The following NCF2 variants were observed in gnomAD, a reference collection of about 807,000 sequenced individuals.
The protein encoded by NCF2 is neutrophil cytosol factor 2.
A neutral mutation model predicts 70.9 loss-of-function variants in NCF2; 45 were observed. That is an observed-to-expected ratio of 0.63 (90% CI 0.50 to 0.81). NCF2 has a LOEUF of 0.81. Among genes scored for constraint, NCF2 ranks in the 40% least tolerant of loss-of-function variants. The pLI, the probability that NCF2 is intolerant of heterozygous loss-of-function variation, is 0.00. For synonymous variants in NCF2, 203 were observed against 233.6 expected (o/e 0.87, Z 1.19); for missense variants, 522 against 631.6 (o/e 0.83, Z 1.86).
At chr1:183,568,173 T>C (rs1672395492) in intron 7 of NCF2, among the ~76,000 whole-genome samples, 1 of 152,052 alleles carries the variant, frequency 6.6e-6, no homozygotes. Flanking sequence ...TGTCACTTTT[T>C]TTTTTTTGAG....
rs373508925 is a variant in NCF2, at chr1:183,577,596, T to A, written c.366+3A>T. On this transcript the variant is annotated splice_donor_region_variant and intron_variant, in intron 3 of 14. Transcript: ENST00000367535. ...TGCCCAGGCCAGGCCCTGTTCTCCT[T>A]ACCTCACAGGCAAACAGCTTGAACT... 21 of 1,602,644 alleles carry A rather than the reference T, an allele frequency of 1.3e-5. No individual in the cohort carries two copies. Among genetic ancestry groups the A allele is most frequent in the Middle Eastern group, 3.3e-4 (2 of 6,060 alleles).
At chr1:183,571,114 CTTTTTTTTTTTT>C (rs66625837) in intron 5 of NCF2, among the ~76,000 whole-genome samples, 1 of 106,818 alleles carries the variant, frequency 9.4e-6, no homozygotes, top group African/African-American at 3.6e-5. Flanking sequence ...ATCAAATTAT[CTTTTTTTTTTTT>C]TTTTTTTTTG....
At position 183,590,301 on chromosome 1, in the gene NCF2, C is replaced by G. The variant is rs1261814657; in HGVS notation, c.29G>C (p.Trp10Ser). 2 of 1,613,944 alleles carry G rather than the reference C, an allele frequency of 1.2e-6. No homozygotes were observed. The highest frequency in any genetic ancestry group is 2.7e-5 in the African/African-American group (2 of 74,874). Residue 10 changes from tryptophan to serine, a missense_variant, in exon 1 of 15, where the codon TGG becomes TCG. Coordinates refer to ENST00000367535, the MANE Select transcript of NCF2 (RefSeq NM_000433.4). MSLVEAISL[W>S]NEGVLAADKK... ...GTCCGCTGCCAGCACCCCTTCATTCCAGAGGCTGATGGCCTCCACCAGGGA... is the reference window on the plus strand; with the variant it reads ...GTCCGCTGCCAGCACCCCTTCATTCGAGAGGCTGATGGCCTCCACCAGGGA...
rs762845110 is a variant in NCF2, at chr1:183,569,223, A to C, written c.670-38T>G. The C allele has an allele frequency of 1.6e-5, 26 of 1,597,884 alleles. No homozygotes were observed. In the South Asian group the frequency reaches 2.8e-4, roughly 17 times the overall value. On this transcript the variant is annotated intron_variant, in intron 6 of 14. Coordinates refer to ENST00000367535, the MANE Select transcript of NCF2 (RefSeq NM_000433.4). ...CAGGAGAAGTGAAAACGGAAAAGGC[A>C]ATGAGGGAAAGCAGGGGAGAGACAA... is the stretch of plus-strand genomic sequence containing the variant.
the NCF2 span, among the ~76,000 whole-genome samples, chr1:183,601,673 C>T: frequency 4.6e-5 from 7 of 151,798 alleles, no homozygotes; most frequent in South Asian, 6.2e-4. Flanking sequence ...CTGCCTAACA[C>T]GGTGAAACCC....
upstream of NCF2, among the ~76,000 whole-genome samples, chr1:183,592,853 T>C (rs1174842630): frequency 6.6e-6 from 1 of 152,186 alleles, no homozygotes; most frequent in Non-Finnish European, 1.5e-5. Context: ...CAAACTCTGC[T>C]GCTTACTCTT....
the NCF2 span, among the ~76,000 whole-genome samples, chr1:183,599,924 G>T: frequency 6.6e-6 from 1 of 152,108 alleles, no homozygotes; most frequent in African/African-American, 2.4e-5. Context: ...ATATCAGTAA[G>T]ATATTTGGCC....
upstream of NCF2, among the ~76,000 whole-genome samples, chr1:183,591,066 G>T (rs1477875311): frequency 6.6e-6 from 1 of 152,194 alleles, no homozygotes; most frequent in Non-Finnish European, 1.5e-5. Context: ...CCGCACTGGG[G>T]GGACTTTCCT....
intron 2 of NCF2, among the ~76,000 whole-genome samples, chr1:183,584,066 G>A (rs1673230506): frequency 6.6e-6 from 1 of 152,132 alleles, no homozygotes; most frequent in African/African-American, 2.4e-5. Context: ...ACCTGATGAG[G>A]TTTAGGGAAA....
rs779087160 is a variant in NCF2, at chr1:183,574,562, T to C, written c.426A>G (p.Glu142=). ...TCATGCTCGTGGCCAATGCTAACTG[T>C]TCTTCAGCTTTTTTCCATTCCTCCT... ...AKKEEWKKAE[E]QLALATSMKS... Residue 142 remains glutamate (E), a synonymous_variant, in exon 4 of 15, where the codon GAA becomes GAG. Coordinates refer to ENST00000367535, the MANE Select transcript of NCF2 (RefSeq NM_000433.4). 6.2e-5 allele frequency: 100 copies of C among 1,614,060 alleles called. No homozygotes were observed. The highest frequency in any genetic ancestry group is 8.4e-5 in the Non-Finnish European group (99 of 1,180,030).
At position 183,577,645 on chromosome 1, in the gene NCF2, A is replaced by G. The variant is rs1672856480; in HGVS notation, c.320T>C (p.Ile107Thr). ...ALIQLRGNQL[I>T]DYKILGLQFK... Reference sequence around the variant, plus strand: ...CTGGAGCCCCAGGATCTTATAGTCTATCAGCTGGTTCCCTCGAAGCTGAAT... The same window carrying G: ...CTGGAGCCCCAGGATCTTATAGTCTGTCAGCTGGTTCCCTCGAAGCTGAAT... Residue 107 changes from isoleucine to threonine, a missense_variant, in exon 3 of 15, where the codon ATA becomes ACA. Transcript: ENST00000367535. 1 of 1,614,118 alleles carries G rather than the reference A, an allele frequency of 6.2e-7. No individual in the cohort carries two copies. Among genetic ancestry groups the G allele is most frequent in the Non-Finnish European group, 8.5e-7 (1 of 1,179,962 alleles).
At chr1:183,570,102 C>G (rs1303492775) in intron 6 of NCF2, among the ~76,000 whole-genome samples, 1 of 152,198 alleles carries the variant, frequency 6.6e-6, no homozygotes, top group Admixed American at 6.5e-5. Flanking sequence ...CATACCTGCC[C>G]CTGCTCAGAA....
intron 14 of NCF2, 116 bp downstream of exon 14, chr1:183,559,980 T>C: frequency 8.5e-7 from 1 of 1,182,866 alleles, no homozygotes; most frequent in Non-Finnish European, 1.2e-6. Context: ...AGGAAGGGGG[T>C]TGAAAACACT....
At chr1:183,590,840 C>T (rs1288653087), upstream of NCF2, 1 of 174,198 alleles carries the variant, frequency 5.7e-6, no homozygotes, top group East Asian at 1.6e-4. Flanking sequence ...GAAACCCCAC[C>T]TTCAAGCCAA....
chr1:183,582,209 G>GCTTCC, intron 2 of NCF2, among the ~76,000 whole-genome samples: 1 of 152,296 alleles, frequency 6.6e-6, no homozygotes, highest in East Asian at 1.9e-4. Flanking sequence ...GGCAGCCCCC[G>GCTTCC]CCTCCCTCTA....
At chr1:183,564,526 A>T (rs1205817797) in intron 10 of NCF2, among the ~76,000 whole-genome samples, 1 of 152,244 alleles carries the variant, frequency 6.6e-6, no homozygotes, top group Non-Finnish European at 1.5e-5. Flanking sequence ...ATGCATAAAG[A>T]TATTTACTAT....
Position 183,556,003 on chromosome 1 carries a change from T to C in NCF2, c.*115A>G. 7 of 884,262 alleles carry C rather than the reference T, an allele frequency of 7.9e-6. 1 individual carries two copies. In the South Asian group the frequency reaches 8.4e-5, roughly 11 times the overall value. 54.8% of individuals were successfully genotyped at this position (884,262 alleles called of 1,614,324 possible). ...AGGTTAAATTTTAACAGGGAATAAA[T>C]AGTTAACACTTCCAAACTGTAATGT... On this transcript the variant is annotated 3_prime_UTR_variant, in exon 15 of 15. Coordinates refer to ENST00000367535, the MANE Select transcript of NCF2 (RefSeq NM_000433.4).
chr1:183,578,526 G>A lies in NCF2; in HGVS notation c.258-819C>T, dbSNP rs139387913. 3.6e-3 allele frequency among the ~76,000 whole-genome samples: 550 copies of A among 152,048 alleles called. 2 individuals are homozygous for A. The highest frequency in any genetic ancestry group is 5.3e-3 in the Non-Finnish European group (361 of 67,968). On this transcript the variant is annotated intron_variant, in intron 2 of 14. Transcript: ENST00000367535. ...ACTACGGGCGAGCGCCACCACGCCC[G>A]GCTAATTTTTTATATTTTAAGTAGA...
intron 1 of NCF2, among the ~76,000 whole-genome samples, chr1:183,589,127 T>C (rs1290751106): frequency 6.6e-6 from 1 of 152,198 alleles, no homozygotes; most frequent in Non-Finnish European, 1.5e-5. Flanking sequence ...TTTCAGTCAC[T>C]TCTCTGTCTT....
Sources: allele counts gnomAD v4.1 joint callset (sites outside exome capture counted in the v4.1 genomes callset), GRCh38; gene constraint gnomAD v4.1.1; transcripts MANE v1.5; gene names NCBI Gene and HGNC (gene_info 2026-07-23, HGNC 2026-07-21).